ATG9A: variants seen among roughly 807,000 people sequenced by gnomAD.
ATG9A encodes autophagy related 9A, also known as autophagy-related protein 9A.
A neutral mutation model predicts 87.1 loss-of-function variants in ATG9A; 21 were observed. That is an observed-to-expected ratio of 0.24 (90% CI 0.17 to 0.35). The LOEUF is 0.35. ATG9A is among the 10% of genes least tolerant of loss of function. The pLI is 1.00. For synonymous variants in ATG9A, 422 were observed against 441.3 expected (o/e 0.96, Z 0.55); for missense variants, 836 against 1,107.3 (o/e 0.76, Z 3.48).
At chr2:219,220,659 G>T in intron 15 of ATG9A, 88 bp downstream of exon 15, 1 of 1,533,840 alleles carries the variant, frequency 6.5e-7, no homozygotes, top group South Asian at 1.2e-5. Context: ...TGTGGGGGTG[G>T]GGCATATCTT....
rs1950742480 is a variant in ATG9A, at chr2:219,220,902, CAAGT to C, written c.2369-14_2369-11del. 6 of 1,610,722 alleles carry C rather than the reference CAAGT, an allele frequency of 3.7e-6. No homozygotes were observed. The highest frequency in any genetic ancestry group is 1.7e-4 in the Middle Eastern group (1 of 6,056). Reference sequence around the variant, plus strand: ...GGCACTGTGCCAGGATCTGGAGAGACAAGTAAGAGTAAGCATACTCATAGAAGGA... The same window carrying C: ...GGCACTGTGCCAGGATCTGGAGAGACAAGAGTAAGCATACTCATAGAAGGA... On this transcript the variant is annotated splice_polypyrimidine_tract_variant and intron_variant, in intron 14 of 15. Coordinates refer to ENST00000361242, the MANE Select transcript of ATG9A (RefSeq NM_001077198.3).
Position 219,223,945 on chromosome 2 carries a change from A to G in ATG9A, c.1343T>C (p.Met448Thr). 1 of 1,614,216 alleles carries G rather than the reference A, an allele frequency of 6.2e-7. No homozygotes were observed. The highest frequency in any genetic ancestry group is 8.5e-7 in the Non-Finnish European group (1 of 1,180,042). Residue 448 changes from methionine (M) to threonine (T), a missense_variant, in exon 9 of 16, where the codon ATG becomes ACG. Physicochemically the swap from Met to Thr is moderately conservative, Grantham distance 81. Around this residue, in one of 2 missense-constraint regions of ATG9A, gnomAD observed 512 missense variants for 759.6 expected, o/e 0.67. Coordinates refer to ENST00000361242, the MANE Select transcript of ATG9A (RefSeq NM_001077198.3). The surrounding 1 kb of genome is among the most constrained non-coding windows in gnomAD (Gnocchi z 4.7). ...LRVILAHIHY[M>T]PDHWQGNAHR... ...GGCATTACCCTGCCAGTGGTCAGGC[A>G]TGTAGTGGATGTGAGCGAGGATCAC...
chr2:219,225,519 T>C lies in ATG9A; in HGVS notation c.266A>G (p.Tyr89Cys), dbSNP rs776198916. The stretch of plus-strand genomic sequence containing the variant: ...CATCTTGTTGGCAAATAGGATGTCA[T>C]AGTCCACGCAGCTGACCAGGAAGGT... ...FTTFLVSCVDYDILFANKMVN... is the reference protein window; with the variant it reads ...FTTFLVSCVDCDILFANKMVN... Residue 89 changes from tyrosine to cysteine, a missense_variant, in exon 6 of 16, where the codon TAT (tyrosine) becomes TGT (cysteine). By Grantham distance (194) the Tyr-to-Cys change is radical. Around this residue, in one of 2 missense-constraint regions of ATG9A, gnomAD observed 512 missense variants for 759.6 expected, o/e 0.67. Coordinates refer to ENST00000361242, the MANE Select transcript of ATG9A (RefSeq NM_001077198.3). 1.2e-5 allele frequency: 19 copies of C among 1,613,992 alleles called. No individual in the cohort carries two copies. The Admixed American group carries it at 1.7e-4, about 14-fold the overall frequency.
In ATG9A at chr2:219,224,944, G is replaced by A. The variant is rs911964190; in HGVS notation, c.517-90C>T. ...CCTATATTAGAAGTGAGATTCAGGG[G>A]TTGTGAGCTTAAGAGACAGTTCCTG... On this transcript the variant is annotated intron_variant, in intron 7 of 15. Transcript: ENST00000361242. This position sits in a 1 kb window ranked among gnomAD's most constrained non-coding sequence, Gnocchi z 7.7. 1.1e-5 allele frequency: 17 copies of A among 1,576,608 alleles called. 1 individual carries two copies. The highest frequency in any genetic ancestry group is 9.1e-5 in the South Asian group (8 of 87,810).
In ATG9A at chr2:219,220,908, A is replaced by G; in HGVS notation, c.2369-16T>C. The G allele has an allele frequency of 6.2e-7, 1 of 1,612,764 alleles. No homozygotes were observed. The highest frequency in any genetic ancestry group is 8.5e-7 in the Non-Finnish European group (1 of 1,179,706). Reference sequence around the variant, plus strand: ...GTGCCAGGATCTGGAGAGACAAGTAAGAGTAAGCATACTCATAGAAGGAAC... The same window carrying G: ...GTGCCAGGATCTGGAGAGACAAGTAGGAGTAAGCATACTCATAGAAGGAAC... On this transcript the variant is annotated splice_polypyrimidine_tract_variant and intron_variant, in intron 14 of 15. Coordinates refer to ENST00000361242, the MANE Select transcript of ATG9A (RefSeq NM_001077198.3).
rs1443518948 is a variant in ATG9A, at chr2:219,229,025, C to T, written c.-82+510G>A. On this transcript the variant is annotated intron_variant, in intron 1 of 15. Coordinates refer to ENST00000361242, the MANE Select transcript of ATG9A (RefSeq NM_001077198.3). The surrounding 1 kb of genome is among the most constrained non-coding windows in gnomAD (Gnocchi z 4.2). ...TGGTACTCACCTGTCCGTGCAGCCCCTGGGGGCCGTGGATCTTGGCCCAGC... is the reference window on the plus strand; with the variant it reads ...TGGTACTCACCTGTCCGTGCAGCCCTTGGGGGCCGTGGATCTTGGCCCAGC... 6.6e-6 allele frequency: 1 copy of T among 152,296 alleles called. No individual in the cohort carries two copies. Among genetic ancestry groups the T allele is most frequent in the Non-Finnish European group, 1.5e-5 (1 of 68,126 alleles). The allele number at this position is 152,296 out of a possible 1,614,324, so 9.4% of individuals were successfully genotyped here.
rs200910370 is a variant in ATG9A at position 219,220,911 on chromosome 2, G to C, written c.2369-19C>G. ...CCAGGATCTGGAGAGACAAGTAAGA[G>C]TAAGCATACTCATAGAAGGAACACA... is the stretch of plus-strand genomic sequence containing the variant. On this transcript the variant is annotated intron_variant, in intron 14 of 15. Transcript: ENST00000361242. The C allele has an allele frequency of 1.2e-6, 2 of 1,612,428 alleles. No individual in the cohort carries two copies. Among genetic ancestry groups the C allele is most frequent in the Non-Finnish European group, 1.7e-6 (2 of 1,179,642 alleles).
chr2:219,220,435 G>T lies in ATG9A; in HGVS notation c.*12C>A, dbSNP rs1206415003. 9 of 1,613,678 alleles carry T rather than the reference G, an allele frequency of 5.6e-6. 1 individual carries two copies. The South Asian group carries it at 8.8e-5, about 16-fold the overall frequency. ...CTCCATCCTGGGCCACAGGAACCCT[G>T]CTCAGCCTTGTCTATACCTGTGGGG... On this transcript the variant is annotated 3_prime_UTR_variant, in exon 16 of 16. Coordinates refer to ENST00000361242, the MANE Select transcript of ATG9A (RefSeq NM_001077198.3).
intron 6 of ATG9A, 32 bp from the exon 7 acceptor site, chr2:219,225,244 G>A: frequency 1.2e-6 from 2 of 1,613,322 alleles, no homozygotes; most frequent in Non-Finnish European, 8.5e-7. Flanking sequence ...AGGAGAGGTG[G>A]CCCTCGAGGA....
intron 15 of ATG9A, 25 bp from the exon 16 acceptor site, chr2:219,220,477 G>A (rs943877388): frequency 1.2e-6 from 2 of 1,613,602 alleles, no homozygotes; most frequent in Non-Finnish European, 1.7e-6. Context: ...GGTTGGTAAT[G>A]GAGATAGTCT....
chr2:219,227,832 G>A lies in ATG9A; in HGVS notation c.104-19C>T, dbSNP rs763131267. On this transcript the variant is annotated intron_variant, in intron 3 of 15. Transcript: ENST00000361242. ...CAAGGTGCTGTGGGATAGGAACAGA[G>A]ATGTCAGAGCCCTGGGAGAACACAA... The A allele has an allele frequency of 6.8e-6, 11 of 1,613,872 alleles. No individual in the cohort carries two copies. In the Admixed American group the frequency reaches 1.7e-4, roughly 24 times the overall value.
chr2:219,227,587 G>T (rs1950887977), intron 4 of ATG9A, among the ~76,000 whole-genome samples, 183 bp downstream of exon 4: 1 of 152,166 alleles, frequency 6.6e-6, no homozygotes, highest in Non-Finnish European at 1.5e-5. Context: ...CAGGCACACA[G>T]ATCTTGGTAA....
At chr2:219,221,325 A>T in intron 13 of ATG9A, 23 bp from the exon 14 acceptor site, 1 of 1,528,394 alleles carries the variant, frequency 6.5e-7, no homozygotes, top group Non-Finnish European at 8.8e-7. Context: ...GGGGCTCGTT[A>T]GTGGGGGACA....
rs1245490450 is a variant in ATG9A at position 219,224,566 on chromosome 2, G to A, written c.805C>T (p.Leu269Phe). The change falls in exon 8 of 16, where the codon CTC (leucine) becomes TTC (phenylalanine). Residue 269 changes from leucine to phenylalanine, a missense_variant. This residue lies in a region of ATG9A where 512 missense variants were observed against 759.6 expected (regional missense o/e 0.67). Transcript: ENST00000361242. The surrounding 1 kb of genome is among the most constrained non-coding windows in gnomAD (Gnocchi z 7.7). ...PGSLFLNEWS[L>F]KAEYKRGGQR... Reference sequence around the variant, plus strand: ...CCCCCACGTTTGTACTCGGCCTTGAGGCTCCATTCATTGAGAAACAGAGAG... The same window carrying A: ...CCCCCACGTTTGTACTCGGCCTTGAAGCTCCATTCATTGAGAAACAGAGAG... 1 of 1,614,190 alleles carries A rather than the reference G, an allele frequency of 6.2e-7. No individual in the cohort carries two copies. Among genetic ancestry groups the A allele is most frequent in the South Asian group, 1.1e-5 (1 of 91,086 alleles).
In ATG9A at chr2:219,222,249, C is replaced by G; in HGVS notation, c.2027+23G>C. The G allele has an allele frequency of 4.3e-6, 7 of 1,613,494 alleles. No individual in the cohort carries two copies. The highest frequency in any genetic ancestry group is 4.2e-6 in the Non-Finnish European group (5 of 1,179,934). On this transcript the variant is annotated intron_variant, in intron 12 of 15. Coordinates refer to ENST00000361242, the MANE Select transcript of ATG9A (RefSeq NM_001077198.3). This position sits in a 1 kb window ranked among gnomAD's most constrained non-coding sequence, Gnocchi z 4.3. The stretch of plus-strand genomic sequence containing the variant: ...GCTGCTGAGGGCTGCCGTGCCCTCC[C>G]ATCTTGGCCCCGATTTACTCACCCA...
chr2:219,222,434 G>A lies in ATG9A; in HGVS notation c.1865C>T (p.Ala622Val), dbSNP rs776607625. The change falls in exon 12 of 16, where the codon GCA (alanine) becomes GTA (valine). Residue 622 changes from alanine (A) to valine (V), a missense_variant. Ala to Val is a moderately conservative substitution (Grantham distance 64). This residue lies in a region of ATG9A where 324 missense variants were observed against 347.6 expected (regional missense o/e 0.93). Coordinates refer to ENST00000361242, the MANE Select transcript of ATG9A (RefSeq NM_001077198.3). The surrounding 1 kb of genome is among the most constrained non-coding windows in gnomAD (Gnocchi z 4.3). Reference protein sequence around the residue: ...QSESEPLSLIANVVAGSSCRG... With the variant: ...QSESEPLSLIVNVVAGSSCRG... ...GCAGGATGAGCCAGCTACCACATTT[G>A]CGATAAGGCTCAGGGGCTATGAACG... is the stretch of plus-strand genomic sequence containing the variant. 2 of 1,570,796 alleles carry A rather than the reference G, an allele frequency of 1.3e-6. No homozygotes were observed. Among genetic ancestry groups the A allele is most frequent in the Non-Finnish European group, 1.7e-6 (2 of 1,159,522 alleles).
Position 219,224,171 on chromosome 2 carries a change from A to G in ATG9A, c.1200T>C (p.Asp400=), listed in dbSNP as rs770811574. ...TCAGCACATGTTCCACAGCCAACAC[A>G]TCTTCGTCATAAATGGTGAGGGCAA... is the stretch of plus-strand genomic sequence containing the variant. The part of the protein sequence containing the change: ...VLIALTIYDE[D]VLAVEHVLTT... The change falls in exon 8 of 16, where the codon GAT becomes GAC. Residue 400 remains aspartate (D), a synonymous_variant. Coordinates refer to ENST00000361242, the MANE Select transcript of ATG9A (RefSeq NM_001077198.3). This position sits in a 1 kb window ranked among gnomAD's most constrained non-coding sequence, Gnocchi z 7.7. 22 of 1,613,626 alleles carry G rather than the reference A, an allele frequency of 1.4e-5. No homozygotes were observed. The South Asian group carries it at 2.3e-4, about 17-fold the overall frequency.
Position 219,226,708 on chromosome 2 carries a change from T to C in ATG9A, c.212+161A>G, listed in dbSNP as rs1950868570. Reference sequence around the variant, plus strand: ...TCTCAAAAAAAAAGAAAGGTGAAGCTGTAAGTTTTGGTGCCACACCCAGTC... The same window carrying C: ...TCTCAAAAAAAAAGAAAGGTGAAGCCGTAAGTTTTGGTGCCACACCCAGTC... On this transcript the variant is annotated intron_variant, in intron 5 of 15. Transcript: ENST00000361242. 2.0e-5 allele frequency among the ~76,000 whole-genome samples: 3 copies of C among 152,178 alleles called. No homozygotes were observed. The South Asian group carries it at 6.2e-4, about 32-fold the overall frequency.
rs1027916499 is a variant in ATG9A at position 219,219,462 on chromosome 2, A to G, written c.*985T>C. 6.5e-6 allele frequency: 1 copy of G among 152,704 alleles called. No individual in the cohort carries two copies. The highest frequency in any genetic ancestry group is 1.5e-5 in the Non-Finnish European group (1 of 68,124). 9.5% of individuals were successfully genotyped at this position (152,704 alleles called of 1,614,324 possible). ...CTCCGCTCCGAGTTCGGGCAGCGCAATTCACCACTCTCCCAAAGCCGGACC... is the reference window on the plus strand; with the variant it reads ...CTCCGCTCCGAGTTCGGGCAGCGCAGTTCACCACTCTCCCAAAGCCGGACC... On this transcript the variant is annotated 3_prime_UTR_variant, in exon 16 of 16. Coordinates refer to ENST00000361242, the MANE Select transcript of ATG9A (RefSeq NM_001077198.3).
Sources: allele counts gnomAD v4.1 joint callset (sites outside exome capture counted in the v4.1 genomes callset), GRCh38; gene constraint gnomAD v4.1.1; regional missense constraint gnomAD v4.1.1; non-coding constraint Gnocchi (gnomAD v3.1); transcripts MANE v1.5; gene names NCBI Gene and HGNC (gene_info 2026-07-23, HGNC 2026-07-21).